Variants in IFT43 observed in about 807,000 individuals in gnomAD.
IFT43 encodes the protein intraflagellar transport 43.
In IFT43, 33 loss-of-function variants were observed where a neutral mutation model predicts 32.3. That is an observed-to-expected ratio of 1.02 (90% confidence interval 0.77 to 1.37). The LOEUF (loss-of-function observed/expected upper bound fraction) is 1.37. Among genes scored for constraint, IFT43 ranks in the 40% most tolerant of loss-of-function variants. IFT43 has a pLI of 0.00. For synonymous variants in IFT43, 93 were observed against 98.2 expected (o/e 0.95, Z 0.31); for missense variants, 274 against 265.9 (o/e 1.03, Z -0.21).
chr14:76,063,627 TG>T (rs2037180759), intron 5 of IFT43, among the ~76,000 whole-genome samples: 2 of 152,224 alleles, frequency 1.3e-5, no homozygotes, highest in Non-Finnish European at 2.9e-5. Context: ...AGTAGTACCA[TG>T]TATTTTTCCT....
chr14:76,047,270 CA>C (rs2036826093), intron 3 of IFT43, among the ~76,000 whole-genome samples: 1 of 152,164 alleles, frequency 6.6e-6, no homozygotes, highest in Admixed American at 6.5e-5. Context: ...TAGAGCTCAG[CA>C]CGTATACCTT....
intron 2 of IFT43, among the ~76,000 whole-genome samples, chr14:75,996,016 T>G (rs2035739424): frequency 6.6e-6 from 1 of 152,232 alleles, no homozygotes; most frequent in Non-Finnish European, 1.5e-5. Flanking sequence ...CTTGAGATTC[T>G]CCGCCAGCAC....
At chr14:75,986,293 A>G (rs375348630) in intron 1 of IFT43, 1 of 1,258,662 alleles carries the variant, frequency 7.9e-7, no homozygotes. Context: ...GCAGGCAGGG[A>G]CGGCCTTTCT....
At chr14:76,014,462 A>C (rs2036145235) in intron 2 of IFT43, among the ~76,000 whole-genome samples, 1 of 152,204 alleles carries the variant, frequency 6.6e-6, no homozygotes, top group Non-Finnish European at 1.5e-5. Flanking sequence ...AGAGTAATGA[A>C]TGCTGAGGGC....
intron 1 of IFT43, among the ~76,000 whole-genome samples, chr14:75,986,991 A>T (rs1440272797): frequency 6.6e-6 from 1 of 152,204 alleles, no homozygotes; most frequent in Non-Finnish European, 1.5e-5. Context: ...TCATGTGATT[A>T]TGTTGTAGTG....
At chr14:76,068,565 A>T (rs1358942027) in intron 5 of IFT43, among the ~76,000 whole-genome samples, 1 of 152,186 alleles carries the variant, frequency 6.6e-6, no homozygotes, top group East Asian at 1.9e-4. Context: ...AAATGACCTC[A>T]TGGTCCTCAA....
intron 2 of IFT43, among the ~76,000 whole-genome samples, chr14:76,002,497 C>T (rs73311116): frequency 0.085 from 12,966 of 151,978 alleles, 1,104 homozygotes; most frequent in African/African-American, 0.21. Context: ...TGGAGCAGTT[C>T]CAGTTATGAC....
At chr14:76,062,747 C>G (rs986622708) in intron 5 of IFT43, among the ~76,000 whole-genome samples, 1 of 151,640 alleles carries the variant, frequency 6.6e-6, no homozygotes, top group East Asian at 2.0e-4. Flanking sequence ...GAAACCGCAT[C>G]TCTTATAAAA....
At chr14:76,039,469 G>C (rs896531827) in intron 3 of IFT43, among the ~76,000 whole-genome samples, 3 of 152,096 alleles carry the variant, frequency 2.0e-5, no homozygotes, top group African/African-American at 7.2e-5. Flanking sequence ...CTGCCTTTTT[G>C]TGGAGTGAAG....
At chr14:75,992,449 C>A (rs1197311707) in intron 2 of IFT43, among the ~76,000 whole-genome samples, 1 of 152,188 alleles carries the variant, frequency 6.6e-6, no homozygotes, top group Non-Finnish European at 1.5e-5. Context: ...AAGAGCATGC[C>A]AGCCAGAGTC....
chr14:76,047,658 A>C (rs577879305), intron 3 of IFT43, among the ~76,000 whole-genome samples: 1 of 151,852 alleles, frequency 6.6e-6, no homozygotes, highest in African/African-American at 2.4e-5. Flanking sequence ...TAATTGAAAA[A>C]GGGAAGAGGC....
At chr14:76,058,483 A>G (rs545888528) in intron 3 of IFT43, 159 bp from the exon 4 acceptor site, 1 of 729,278 alleles carries the variant, frequency 1.4e-6, no homozygotes, top group Non-Finnish European at 2.2e-6. Flanking sequence ...CAGTTCTCTC[A>G]TGCTGGTTGT....
At chr14:76,049,665 G>T (rs979899298) in intron 3 of IFT43, among the ~76,000 whole-genome samples, 1 of 152,084 alleles carries the variant, frequency 6.6e-6, no homozygotes, top group Non-Finnish European at 1.5e-5. Flanking sequence ...TCATACAGCG[G>T]TTCTTCTTAG....
chr14:76,057,878 A>G (rs192387822), intron 3 of IFT43, among the ~76,000 whole-genome samples: 2 of 152,344 alleles, frequency 1.3e-5, no homozygotes, highest in African/African-American at 4.8e-5. Flanking sequence ...TTTAATAATC[A>G]TCAACATTTC....
chr14:76,006,851 G>A (rs1047795774), intron 2 of IFT43, among the ~76,000 whole-genome samples: 5 of 149,894 alleles, frequency 3.3e-5, no homozygotes, highest in African/African-American at 1.2e-4. Flanking sequence ...GGATTACTGG[G>A]GACATTTTTT....
At chr14:76,073,694 T>C (rs528594546) in intron 5 of IFT43, among the ~76,000 whole-genome samples, 12 of 152,304 alleles carry the variant, frequency 7.9e-5, no homozygotes, top group African/African-American at 2.9e-4. Context: ...TAGGTTTACC[T>C]AAAAGACCCT....
intron 3 of IFT43, among the ~76,000 whole-genome samples, chr14:76,033,346 T>C (rs1305876387): frequency 6.6e-6 from 1 of 152,210 alleles, no homozygotes; most frequent in Non-Finnish European, 1.5e-5. Context: ...TGTAGCAGGA[T>C]ACTGGAGGGA....
intron 3 of IFT43, among the ~76,000 whole-genome samples, chr14:76,026,448 C>T (rs2036396001): frequency 6.6e-6 from 1 of 151,186 alleles, no homozygotes; most frequent in South Asian, 2.1e-4. Context: ...ATCCCAGCTA[C>T]TCAGGAGACC....
intron 4 of IFT43, 178 bp from the exon 5 acceptor site, chr14:76,059,149 G>A: frequency 6.6e-7 from 1 of 1,524,420 alleles, no homozygotes; most frequent in Non-Finnish European, 8.8e-7. Flanking sequence ...CGCACAGCCT[G>A]TGCAACCACA....
Sources: gnomAD v4.1 joint callset for allele counts (sites outside exome capture counted in the v4.1 genomes callset) on GRCh38, gnomAD v4.1.1 for gene constraint, MANE v1.5 for transcripts, NCBI Gene and HGNC (gene_info 2026-07-23, HGNC 2026-07-21) for gene names.